Variants in NFATC2 observed in about 807,000 individuals in gnomAD.
NFATC2 encodes the protein nuclear factor of activated T cells 2, also known as nuclear factor of activated T-cells, cytoplasmic 2.
Under a neutral mutation model 87.3 loss-of-function variants are expected in NFATC2, and 22 were observed. The ratio of observed to expected loss-of-function variants is 0.25; its 90% CI spans 0.18 to 0.36. The LOEUF is 0.36. Ranked by LOEUF, NFATC2 falls within the 10% of genes least tolerant of loss-of-function variation. The pLI, the probability that NFATC2 is intolerant of heterozygous loss-of-function variation, is 1.00. For missense variants in NFATC2, 1,149 were observed against 1,259.1 expected, an observed-to-expected ratio of 0.91 and a Z score of 1.32; for synonymous variants, 565 against 542.2, an observed-to-expected ratio of 1.04 and a Z score of -0.58.
intron 5 of NFATC2, among the ~76,000 whole-genome samples, chr20:51,458,575 G>GTCAGGAA (rs1986814607): frequency 6.6e-6 from 1 of 150,766 alleles, no homozygotes; most frequent in Non-Finnish European, 1.5e-5. Context: ...GAGGCAGGCG[G>GTCAGGAA]ATCACAAGGT....
At chr20:51,499,019 G>T (rs1006563528) in intron 3 of NFATC2, among the ~76,000 whole-genome samples, 2 of 152,126 alleles carry the variant, frequency 1.3e-5, no homozygotes, top group African/African-American at 4.8e-5. Flanking sequence ...ATTAGCAGGT[G>T]GGAATGGAGT....
intron 6 of NFATC2, among the ~76,000 whole-genome samples, chr20:51,438,802 T>C (rs1983933685): frequency 2.0e-5 from 3 of 152,170 alleles, no homozygotes; most frequent in African/African-American, 7.2e-5. Context: ...CCTTAGAAAC[T>C]AGCCAGCCCT....
At chr20:51,526,725 G>A (rs1188138145) in intron 1 of NFATC2, among the ~76,000 whole-genome samples, 1 of 152,086 alleles carries the variant, frequency 6.6e-6, no homozygotes, top group Non-Finnish European at 1.5e-5. Context: ...GTTTAGCCAA[G>A]CTGATCTCTT....
chr20:51,535,780 C>T (rs977234393), intron 1 of NFATC2, among the ~76,000 whole-genome samples: 1 of 152,160 alleles, frequency 6.6e-6, no homozygotes, highest in African/African-American at 2.4e-5. Flanking sequence ...CTCACTTTTG[C>T]AGGCATGCCC....
Position 51,493,438 on chromosome 20 carries a change from C to A in NFATC2, c.1333-17778G>T, listed in dbSNP as rs575108324. ...TTGCAACTGAGTGATGTGAAATTGA[C>A]AACATGCTAGAGAAATGATTTTGAT... On this transcript the variant is annotated intron_variant, in intron 3 of 10. Coordinates refer to ENST00000371564, the MANE Select transcript of NFATC2 (RefSeq NM_012340.5). 4.6e-5 allele frequency among the ~76,000 whole-genome samples: 7 copies of A among 152,276 alleles called. No homozygotes were observed. The South Asian group carries it at 1.2e-3, about 27-fold the overall frequency.
At chr20:51,491,990 C>A (rs990185814) in intron 3 of NFATC2, among the ~76,000 whole-genome samples, 7 of 151,806 alleles carry the variant, frequency 4.6e-5, no homozygotes, top group African/African-American at 1.7e-4. Flanking sequence ...CACACACATA[C>A]CCCCAGCCCC....
chr20:51,437,911 G>A (rs1449746108), intron 6 of NFATC2, among the ~76,000 whole-genome samples: 1 of 152,210 alleles, frequency 6.6e-6, no homozygotes, highest in Non-Finnish European at 1.5e-5. Context: ...GGCTGCTGGT[G>A]AGGCCAAGAA....
intron 6 of NFATC2, among the ~76,000 whole-genome samples, chr20:51,453,184 A>C (rs1000784088): frequency 4.6e-5 from 7 of 152,280 alleles, no homozygotes; most frequent in African/African-American, 1.7e-4. Context: ...GTGAGAATGC[A>C]GTTGTCACAC....
chr20:51,451,693 G>A (rs752169679), intron 6 of NFATC2, among the ~76,000 whole-genome samples: 13 of 152,316 alleles, frequency 8.5e-5, no homozygotes, highest in Non-Finnish European at 1.3e-4. Flanking sequence ...CCGCCTGAGC[G>A]CTGCCTCCTG....
intron 3 of NFATC2, among the ~76,000 whole-genome samples, chr20:51,488,154 C>T (rs191709690): frequency 2.1e-4 from 32 of 152,276 alleles, no homozygotes; most frequent in African/African-American, 6.7e-4. Context: ...TTCACTCCTC[C>T]GTTTAGTCAT....
In NFATC2 at chr20:51,398,650, T is replaced by G. The variant is rs1347432159; in HGVS notation, c.*37A>C. ...GCAGAAGATATCGATTACCTTTAAC[T>G]TTGATTTCTCGGATCAAAGATCACA... On this transcript the variant is annotated 3_prime_UTR_variant, in exon 10 of 11. Transcript: ENST00000371564. 3 of 1,606,098 alleles carry G rather than the reference T, an allele frequency of 1.9e-6. No homozygotes were observed. In the South Asian group the frequency reaches 3.3e-5, roughly 18 times the overall value.
intron 1 of NFATC2, among the ~76,000 whole-genome samples, chr20:51,527,361 C>T (rs1568731606): frequency 1.3e-5 from 2 of 152,308 alleles, no homozygotes; most frequent in East Asian, 3.9e-4. Flanking sequence ...GTACTGCATG[C>T]TTCTAGAAGG....
intron 10 of NFATC2, among the ~76,000 whole-genome samples, chr20:51,398,210 G>A (rs944342222): frequency 1.1e-4 from 16 of 152,160 alleles, no homozygotes; most frequent in African/African-American, 3.6e-4. Flanking sequence ...CACAGGGCGG[G>A]GCTTCCTCAG....
intron 5 of NFATC2, among the ~76,000 whole-genome samples, chr20:51,470,495 T>C (rs530542981): frequency 1.3e-5 from 2 of 152,160 alleles, no homozygotes; most frequent in Non-Finnish European, 2.9e-5. Context: ...TTTGTTCATG[T>C]TGTTTCTGCT....
chr20:51,478,632 C>T (rs1015604264), intron 3 of NFATC2, among the ~76,000 whole-genome samples: 9 of 152,202 alleles, frequency 5.9e-5, no homozygotes, highest in African/African-American at 2.2e-4. Flanking sequence ...TGGTCTTTCA[C>T]AGAACAGCTC....
At chr20:51,541,283 G>T (rs1400841144) in intron 1 of NFATC2, among the ~76,000 whole-genome samples, 1 of 152,040 alleles carries the variant, frequency 6.6e-6, no homozygotes, top group Admixed American at 6.6e-5. Flanking sequence ...CCCAGAGTGC[G>T]TCTGGAAGCT....
At chr20:51,529,725 A>G (rs1024790099) in intron 1 of NFATC2, among the ~76,000 whole-genome samples, 1 of 152,022 alleles carries the variant, frequency 6.6e-6, no homozygotes, top group Non-Finnish European at 1.5e-5. Context: ...TTTACTTAAT[A>G]CTTCTAGTAT....
chr20:51,502,056 G>A (rs767343016), intron 3 of NFATC2, among the ~76,000 whole-genome samples: 23 of 152,284 alleles, frequency 1.5e-4, no homozygotes, highest in Non-Finnish European at 2.2e-4. Flanking sequence ...TCTCAAACTC[G>A]AATGTGCACA....
At chr20:51,403,103 C>T (rs566975044) in intron 9 of NFATC2, among the ~76,000 whole-genome samples, 1 of 152,342 alleles carries the variant, frequency 6.6e-6, no homozygotes, top group South Asian at 2.1e-4. Flanking sequence ...GTCCTGGAAG[C>T]AGAGGCATCC....
Sources: gnomAD v4.1 joint callset for allele counts (sites outside exome capture counted in the v4.1 genomes callset) on GRCh38, gnomAD v4.1.1 for gene constraint, MANE v1.5 for transcripts, NCBI Gene and HGNC (gene_info 2026-07-23, HGNC 2026-07-21) for gene names.